The following NOS1 variants were observed in gnomAD, a reference collection of about 807,000 sequenced individuals.
NOS1 encodes nitric oxide synthase 1.
In NOS1, 51 loss-of-function variants were observed where a neutral mutation model predicts 164.5. The ratio of observed to expected loss-of-function variants is 0.31; its 90% confidence interval spans 0.25 to 0.39. The LOEUF (loss-of-function observed/expected upper bound fraction) is 0.39, where lower values mean the gene tolerates loss of function less well. NOS1 is among the 10% of genes least tolerant of loss of function. The probability of loss-of-function intolerance (pLI) is 1.00; values close to 1 mark genes in which losing one functional copy is unlikely to be tolerated. For synonymous variants in NOS1, 719 were observed against 745.8 expected (o/e 0.96, Z 0.59); for missense variants, 1,362 against 1,885.6 (o/e 0.72, Z 5.14).
At chr12:117,319,661 T>C (rs1874824786) in intron 2 of NOS1, among the ~76,000 whole-genome samples, 1 of 152,184 alleles carries the variant, frequency 6.6e-6, no homozygotes, top group East Asian at 1.9e-4. Flanking sequence ...GGAAACTTGA[T>C]TTTGCCGCAA....
intron 3 of NOS1, among the ~76,000 whole-genome samples, chr12:117,299,364 C>G (rs113028286): frequency 6.6e-6 from 1 of 152,082 alleles, no homozygotes; most frequent in African/African-American, 2.4e-5. Flanking sequence ...GCTGGCCGGG[C>G]GCGGTGGCTC....
At chr12:117,270,080 A>C (rs1260901571) in intron 10 of NOS1, among the ~76,000 whole-genome samples, 3 of 152,196 alleles carry the variant, frequency 2.0e-5, no homozygotes, top group African/African-American at 7.2e-5. Context: ...AATTACTTGC[A>C]AAAAAAGAAC....
chr12:117,353,475 T>C (rs1054276273), intron 1 of NOS1, among the ~76,000 whole-genome samples: 2 of 152,200 alleles, frequency 1.3e-5, no homozygotes, highest in African/African-American at 4.8e-5. Context: ...CACAGTACCA[T>C]TATTACACCT....
At chr12:117,359,918 A>G (rs1282593711) in intron 1 of NOS1, among the ~76,000 whole-genome samples, 1 of 70,960 alleles carries the variant, frequency 1.4e-5, no homozygotes, top group African/African-American at 6.2e-5. Context: ...ATATATATAT[A>G]TATATATATA....
At chr12:117,279,974 C>T (rs1212023663) in intron 8 of NOS1, among the ~76,000 whole-genome samples, 1 of 152,158 alleles carries the variant, frequency 6.6e-6, no homozygotes, top group Admixed American at 6.6e-5. Flanking sequence ...CAAAGGACGA[C>T]GGTGAAATTC....
intron 2 of NOS1, among the ~76,000 whole-genome samples, chr12:117,322,583 TTTC>T (rs1366468684): frequency 3.4e-5 from 4 of 119,222 alleles, no homozygotes; most frequent in East Asian, 3.1e-4. Context: ...CCCTCCCTCT[TTTC>T]TTCTTTCCCT....
intron 1 of NOS1, among the ~76,000 whole-genome samples, chr12:117,360,330 C>T (rs1877075729): frequency 6.6e-6 from 1 of 152,140 alleles, no homozygotes; most frequent in South Asian, 2.1e-4. Context: ...GGACCTCGGA[C>T]GCAAGGCCCC....
intron 2 of NOS1, among the ~76,000 whole-genome samples, chr12:117,314,654 G>A (rs1476055934): frequency 1.3e-5 from 2 of 152,034 alleles, no homozygotes; most frequent in East Asian, 1.9e-4. Context: ...TCACCCAGGC[G>A]GGAGTGCAGT....
intron 9 of NOS1, among the ~76,000 whole-genome samples, chr12:117,275,647 G>A (rs1873122354): frequency 6.6e-6 from 1 of 152,164 alleles, no homozygotes; most frequent in South Asian, 2.1e-4. Flanking sequence ...AGAAAGGATA[G>A]TGAATGTTTC....
At chr12:117,329,531 G>C (rs1875422703) in intron 2 of NOS1, among the ~76,000 whole-genome samples, 1 of 151,738 alleles carries the variant, frequency 6.6e-6, no homozygotes, top group Non-Finnish European at 1.5e-5. Flanking sequence ...GATGCAAATG[G>C]AAGGGGGACA....
intron 3 of NOS1, among the ~76,000 whole-genome samples, chr12:117,297,531 A>G (rs9658323): frequency 0.026 from 3,986 of 152,206 alleles, 182 homozygotes; most frequent in African/African-American, 0.09. Context: ...AGCTGGGATT[A>G]CAGGCATGTG....
Position 117,222,734 on chromosome 12 carries a change from C to T in NOS1, c.3956G>A (p.Arg1319Gln), listed in dbSNP as rs1330112610. Residue 1319 changes from arginine (R) to glutamine (Q), a missense_variant, in exon 26 of 29, where the codon CGG becomes CAG. Arg to Gln is a conservative substitution (Grantham distance 43). Transcript: ENST00000317775. ...GGTTACCTTTGGTTTGTCTGGCTCC[C>T]GGGAGTAAGCCGTGTACAGCTCTCT... ...VFRELYTAYS[R>Q]EPDKPKKYVQ... is the part of the protein sequence containing the mutation. 6 of 1,613,692 alleles carry T rather than the reference C, an allele frequency of 3.7e-6. No individual in the cohort carries two copies. The highest frequency in any genetic ancestry group is 1.1e-5 in the South Asian group (1 of 91,042).
intron 12 of NOS1, among the ~76,000 whole-genome samples, chr12:117,264,217 C>T (rs887640675): frequency 1.1e-4 from 16 of 152,066 alleles, no homozygotes; most frequent in African/African-American, 3.9e-4. Context: ...CCTTGGCCCC[C>T]AGTCCCTCTC....
At chr12:117,311,025 C>T (rs987853415) in intron 3 of NOS1, among the ~76,000 whole-genome samples, 1 of 152,106 alleles carries the variant, frequency 6.6e-6, no homozygotes, top group Non-Finnish European at 1.5e-5. Flanking sequence ...GCCACCATGC[C>T]AGGCTAATTT....
chr12:117,241,440 G>A (rs1399212723), intron 20 of NOS1, among the ~76,000 whole-genome samples: 1 of 151,486 alleles, frequency 6.6e-6, no homozygotes, highest in Non-Finnish European at 1.5e-5. Context: ...TGCAATGATT[G>A]GAAAACAGCC....
At chr12:117,224,564 C>T (rs9658511) in intron 25 of NOS1, among the ~76,000 whole-genome samples, 299 of 152,326 alleles carry the variant, frequency 2.0e-3, no homozygotes, top group African/African-American at 6.9e-3. Flanking sequence ...GGATTACAGG[C>T]GTGAGCCACC....
intron 2 of NOS1, among the ~76,000 whole-genome samples, chr12:117,315,844 T>A (rs915469323): frequency 1.3e-5 from 2 of 152,248 alleles, no homozygotes; most frequent in Non-Finnish European, 2.9e-5. Context: ...AAGCTTATAA[T>A]ACTTGGCAGT....
At chr12:117,299,266 CT>C (rs1461643721) in intron 3 of NOS1, among the ~76,000 whole-genome samples, 1 of 152,256 alleles carries the variant, frequency 6.6e-6, no homozygotes, top group Admixed American at 6.5e-5. Context: ...GTATTTAGTA[CT>C]TTGGAATATA....
chr12:117,266,510 T>C (rs1872426391), intron 11 of NOS1, among the ~76,000 whole-genome samples: 7 of 152,092 alleles, frequency 4.6e-5, no homozygotes, highest in Admixed American at 4.6e-4. Flanking sequence ...ATCTTTTTTG[T>C]ATAATGACTT....
Sources: allele counts gnomAD v4.1 joint callset (sites outside exome capture counted in the v4.1 genomes callset), GRCh38; gene constraint gnomAD v4.1.1; transcripts MANE v1.5; gene names NCBI Gene and HGNC (gene_info 2026-07-23, HGNC 2026-07-21).